Variants in CDH4 observed in about 807,000 individuals in gnomAD.
The protein encoded by CDH4 is cadherin 4, also known as cadherin-4.
Under a neutral mutation model 86.0 loss-of-function variants are expected in CDH4, and 33 were observed. The observed-to-expected ratio is 0.38, with a 90% CI of 0.29 to 0.51. The LOEUF (loss-of-function observed/expected upper bound fraction) is 0.51. Ranked by LOEUF, CDH4 falls within the 20% of genes least tolerant of loss-of-function variation. The probability of loss-of-function intolerance (pLI) is 0.86; values close to 1 mark genes in which losing one functional copy is unlikely to be tolerated. For synonymous variants in CDH4, 555 were observed against 549.4 expected (o/e 1.01, Z -0.14); for missense variants, 1,114 against 1,307.4 (o/e 0.85, Z 2.28).
intron 2 of CDH4, among the ~76,000 whole-genome samples, chr20:61,513,893 G>T (rs1044749314): frequency 3.9e-5 from 6 of 152,112 alleles, no homozygotes; most frequent in African/African-American, 1.4e-4. Context: ...GGGTCCACTT[G>T]CCCAGCACAA....
chr20:61,839,648 T>C (rs1026181017), intron 4 of CDH4, among the ~76,000 whole-genome samples: 7 of 152,048 alleles, frequency 4.6e-5, no homozygotes, highest in Non-Finnish European at 7.4e-5. Context: ...GTTTGTGTCG[T>C]GTACATGTTT....
At chr20:61,930,573 G>A (rs769944226) in intron 13 of CDH4, among the ~76,000 whole-genome samples, 9 of 152,146 alleles carry the variant, frequency 5.9e-5, no homozygotes, top group East Asian at 5.8e-4. Context: ...CCCCCACCAC[G>A]TCCAGAACAG....
chr20:61,379,783 G>C (rs1600918438), intron 2 of CDH4, among the ~76,000 whole-genome samples: 1 of 152,316 alleles, frequency 6.6e-6, no homozygotes, highest in East Asian at 1.9e-4. Flanking sequence ...GTGCTCAACT[G>C]TTCTTTGTTT....
At chr20:61,636,687 T>A (rs544424606) in intron 2 of CDH4, among the ~76,000 whole-genome samples, 3 of 152,306 alleles carry the variant, frequency 2.0e-5, no homozygotes, top group Non-Finnish European at 2.9e-5. Flanking sequence ...CACCTGCTCT[T>A]CTCCCAGCGC....
chr20:61,339,516 A>G (rs2084638408), intron 2 of CDH4, among the ~76,000 whole-genome samples: 1 of 152,178 alleles, frequency 6.6e-6, no homozygotes, highest in South Asian at 2.1e-4. Flanking sequence ...TTTCATAGTT[A>G]AATAAACAGT....
chr20:61,286,296 G>A (rs773180975), intron 2 of CDH4, among the ~76,000 whole-genome samples: 2 of 152,234 alleles, frequency 1.3e-5, no homozygotes, highest in African/African-American at 2.4e-5. Context: ...GTCCAGAGGA[G>A]TGCGTGTGCT....
At chr20:61,547,337 C>T (rs889562939) in intron 2 of CDH4, among the ~76,000 whole-genome samples, 34 of 151,614 alleles carry the variant, frequency 2.2e-4, no homozygotes, top group African/African-American at 8.2e-4. Flanking sequence ...CTCAGCCTCC[C>T]GAGTAGCTGG....
At chr20:61,664,717 ACGTTGGCTC>A (rs2087303888) in intron 2 of CDH4, among the ~76,000 whole-genome samples, 1 of 152,214 alleles carries the variant, frequency 6.6e-6, no homozygotes, top group Non-Finnish European at 1.5e-5. Context: ...ACATCTGTGG[ACGTTGGCTC>A]AGAGCCCAGG....
rs546318383 is a variant in CDH4 at position 61,886,138 on chromosome 20, G to A, written c.1051-8772G>A. On this transcript the variant is annotated intron_variant, in intron 7 of 15. Coordinates refer to ENST00000614565, the MANE Select transcript of CDH4 (RefSeq NM_001794.5). Reference sequence around the variant, plus strand: ...CAGAGCAGGTGGGGGAGGCGTGCTTGCAGCCTGGCAGATGAGACCATCCCT... The same window carrying A: ...CAGAGCAGGTGGGGGAGGCGTGCTTACAGCCTGGCAGATGAGACCATCCCT... Among the ~76,000 whole-genome samples the A allele has an allele frequency of 2.0e-5, 3 of 152,330 alleles. No homozygotes were observed. The South Asian group carries it at 6.2e-4, about 32-fold the overall frequency.
chr20:61,631,652 A>G (rs2086889847), intron 2 of CDH4, among the ~76,000 whole-genome samples: 1 of 152,102 alleles, frequency 6.6e-6, no homozygotes, highest in East Asian at 1.9e-4. Context: ...TCTAAAAAAG[A>G]AAAAAAAGAG....
At chr20:61,601,266 T>G (rs2145744837) in intron 2 of CDH4, among the ~76,000 whole-genome samples, 1 of 152,196 alleles carries the variant, frequency 6.6e-6, no homozygotes, top group Admixed American at 6.5e-5. Flanking sequence ...TCATGAGAGC[T>G]TACTCACTGT....
chr20:61,491,933 T>A (rs113321935), intron 2 of CDH4, among the ~76,000 whole-genome samples: 131 of 152,284 alleles, frequency 8.6e-4, no homozygotes, highest in African/African-American at 3.0e-3. Context: ...TTGCTGATAC[T>A]GTTAGTGGTG....
chr20:61,281,435 G>C (rs1227202170), intron 2 of CDH4, among the ~76,000 whole-genome samples: 1 of 152,206 alleles, frequency 6.6e-6, no homozygotes, highest in African/African-American at 2.4e-5. Context: ...GCCCTCACCA[G>C]ACACGGAACC....
intron 3 of CDH4, among the ~76,000 whole-genome samples, chr20:61,765,734 A>C (rs1398620930): frequency 6.6e-6 from 1 of 152,086 alleles, no homozygotes; most frequent in East Asian, 1.9e-4. Flanking sequence ...AGGGGAAGGC[A>C]GGGGCTGACC....
intron 2 of CDH4, among the ~76,000 whole-genome samples, chr20:61,322,112 C>T (rs750425862): frequency 1.3e-5 from 2 of 152,066 alleles, no homozygotes; most frequent in Admixed American, 6.5e-5. Context: ...GCAGTTCTTC[C>T]GGGTCCTTGT....
chr20:61,770,775 CAG>C (rs1197221259), intron 3 of CDH4, among the ~76,000 whole-genome samples: 6 of 151,348 alleles, frequency 4.0e-5, no homozygotes, highest in Non-Finnish European at 8.8e-5. Context: ...CCCAGCTACT[CAG>C]GGGGCTGAGG....
chr20:61,566,879 G>A (rs1179487332), intron 2 of CDH4, among the ~76,000 whole-genome samples: 2 of 152,044 alleles, frequency 1.3e-5, no homozygotes, highest in African/African-American at 4.8e-5. Flanking sequence ...CCGATGGCAC[G>A]CGGCTCACAG....
chr20:61,887,242 C>A (rs150091694), intron 7 of CDH4, among the ~76,000 whole-genome samples: 1 of 152,186 alleles, frequency 6.6e-6, no homozygotes, highest in Admixed American at 6.5e-5. Flanking sequence ...GCCCTGCCAA[C>A]GGGAAGGCCA....
rs528202163 is a variant in CDH4, at chr20:61,850,123, C to CAGCAGGG, written c.733-2631_733-2630insAGCAGGG. On this transcript the variant is annotated intron_variant, in intron 5 of 15. Transcript: ENST00000614565. ...TCACTGCTGGCTTTGCAGGGTGATG[C>CAGCAGGG]TCCAGAAGATTCCTTGAAGGATTCC... Among the ~76,000 whole-genome samples the CAGCAGGG allele has an allele frequency of 5.3e-5, 8 of 152,314 alleles. No individual in the cohort carries two copies. In the South Asian group the frequency reaches 1.7e-3, roughly 32 times the overall value.
Sources: gnomAD v4.1 joint callset for allele counts (sites outside exome capture counted in the v4.1 genomes callset) on GRCh38, gnomAD v4.1.1 for gene constraint, MANE v1.5 for transcripts, NCBI Gene and HGNC (gene_info 2026-07-23, HGNC 2026-07-21) for gene names.